PEX2: variants seen among roughly 807,000 people sequenced by gnomAD.
PEX2 encodes peroxisomal biogenesis factor 2.
Under a neutral mutation model 25.2 loss-of-function variants are expected in PEX2, and 19 were observed. That is an observed-to-expected ratio of 0.75 (90% CI 0.53 to 1.10). The LOEUF (loss-of-function observed/expected upper bound fraction) is 1.10, where lower values mean the gene tolerates loss of function less well. Ranked by LOEUF, PEX2 falls within the 50% of genes least tolerant of loss-of-function variation. The probability of loss-of-function intolerance (pLI) is 0.00; values close to 1 mark genes in which losing one functional copy is unlikely to be tolerated. For missense variants in PEX2, 347 were observed against 350.6 expected (o/e 0.99, Z 0.08); for synonymous variants, 141 against 127.7 (o/e 1.10, Z -0.70).
intron 1 of PEX2, among the ~76,000 whole-genome samples, chr8:76,990,858 G>C (rs1443256306): frequency 2.6e-5 from 4 of 152,138 alleles, no homozygotes; most frequent in Non-Finnish European, 5.9e-5. Context: ...ACGTTACACA[G>C]AGACACCAAG....
In PEX2 at chr8:76,982,312, CT is replaced by C. The variant is rs1258144481; in HGVS notation, c.*948del. ...GTTTCAATAAAACTATCAATATTTA[CT>C]GAGAATGACAGCTCTGAATCAAAGG... On this transcript the variant is annotated 3_prime_UTR_variant, in exon 4 of 4. Transcript: ENST00000357039. 8 of 152,270 alleles carry C rather than the reference CT, an allele frequency of 5.3e-5. No homozygotes were observed. The highest frequency in any genetic ancestry group is 1.3e-4 in the Admixed American group (2 of 15,304). The allele number at this position is 152,270 out of a possible 1,614,324, so 9.4% of individuals were successfully genotyped here. A position where few individuals can be genotyped will look rare whatever the true frequency, so the allele number is the denominator to read the frequency against.
Position 76,980,410 on chromosome 8 carries a change from C to T in PEX2, c.*2851G>A, listed in dbSNP as rs1160791928. On this transcript the variant is annotated 3_prime_UTR_variant, in exon 4 of 4. Transcript: ENST00000357039. Reference sequence around the variant, plus strand: ...TTGAAATGAGTAAGGCAAATGTAGACTCTAACTAGTAGAGATCTGCCAGCA... The same window carrying T: ...TTGAAATGAGTAAGGCAAATGTAGATTCTAACTAGTAGAGATCTGCCAGCA... The T allele has an allele frequency of 1.3e-5, 2 of 152,220 alleles. No individual in the cohort carries two copies. The highest frequency in any genetic ancestry group is 4.8e-5 in the African/African-American group (2 of 41,458). 9.4% of individuals were successfully genotyped at this position (152,220 alleles called of 1,614,324 possible).
rs1397402046 is a variant in PEX2, at chr8:76,981,231, G to T, written c.*2030C>A. 6.6e-6 allele frequency: 1 copy of T among 152,290 alleles called. No homozygotes were observed. The highest frequency in any genetic ancestry group is 1.5e-5 in the Non-Finnish European group (1 of 68,110). 9.4% of individuals were successfully genotyped at this position (152,290 alleles called of 1,614,324 possible). ...CATGCCTGTAATCCCACAACTTTGG[G>T]AGGCCAGGGTAGGAGGACTGCTTGA... On this transcript the variant is annotated 3_prime_UTR_variant, in exon 4 of 4. Transcript: ENST00000357039.
At chr8:76,996,230 G>A (rs976689409) in intron 1 of PEX2, among the ~76,000 whole-genome samples, 1 of 152,140 alleles carries the variant, frequency 6.6e-6, no homozygotes, top group South Asian at 2.1e-4. Context: ...TAATTACCAA[G>A]TACAAATTTA....
At chr8:76,987,665 T>G (rs1195701415) in intron 2 of PEX2, among the ~76,000 whole-genome samples, 1 of 152,082 alleles carries the variant, frequency 6.6e-6, no homozygotes, top group Admixed American at 6.5e-5. Flanking sequence ...AATGATCTAG[T>G]GAGAAACTAA....
chr8:76,980,950 A>G lies in PEX2; in HGVS notation c.*2311T>C, dbSNP rs1806803459. 1.3e-5 allele frequency: 2 copies of G among 152,132 alleles called. No homozygotes were observed. Among genetic ancestry groups the G allele is most frequent in the African/African-American group, 4.8e-5 (2 of 41,418 alleles). The allele number at this position is 152,132 out of a possible 1,614,324, so 9.4% of individuals were successfully genotyped here. A position where few individuals can be genotyped will look rare whatever the true frequency, so the allele number is the denominator to read the frequency against. ...AATCTGTGTCCCTCATGCCATGTAC[A>G]CTCATCAAAAAAATGAGAGCCAAAG... On this transcript the variant is annotated 3_prime_UTR_variant, in exon 4 of 4. Transcript: ENST00000357039.
In PEX2 at chr8:76,980,794, A is replaced by C. The variant is rs1482527688; in HGVS notation, c.*2467T>G. 1 of 152,192 alleles carries C rather than the reference A, an allele frequency of 6.6e-6. No homozygotes were observed. The highest frequency in any genetic ancestry group is 2.4e-5 in the African/African-American group (1 of 41,452). 9.4% of individuals were successfully genotyped at this position (152,192 alleles called of 1,614,324 possible). On this transcript the variant is annotated 3_prime_UTR_variant, in exon 4 of 4. Coordinates refer to ENST00000357039, the MANE Select transcript of PEX2 (RefSeq NM_000318.3). ...AAGGAAAGCACTACTATTATATTCTATTTACTATGTGTCAGGCATTGTTTT... is the reference window on the plus strand; with the variant it reads ...AAGGAAAGCACTACTATTATATTCTCTTTACTATGTGTCAGGCATTGTTTT...
chr8:77,000,372 A>AGTGTCGAGGTCACTACT, upstream of PEX2: 1 of 194,998 alleles, frequency 5.1e-6, no homozygotes, highest in East Asian at 1.6e-4. Context: ...AGGACACTAC[A>AGTGTCGAGGTCACTACT]AGTGTCGAGG....
chr8:76,985,718 T>G (rs4416802), intron 3 of PEX2, among the ~76,000 whole-genome samples: 14 of 152,148 alleles, frequency 9.2e-5, no homozygotes, highest in African/African-American at 3.1e-4. Flanking sequence ...ACAGAAAGAA[T>G]AGTTACTGAG....
Position 76,983,472 on chromosome 8 carries a change from G to T in PEX2, c.707C>A (p.Thr236Lys), listed in dbSNP as rs1303614285. ...GCATTCTTTGCCACTGGTGGCTAAT[G>T]TATTGTCACTATTAGGTGCACCAGT... ...PLTGAPNSDNTLATSGKECAL... is the reference protein window; with the variant it reads ...PLTGAPNSDNKLATSGKECAL... Residue 236 changes from threonine (T) to lysine (K), a missense_variant, in exon 4 of 4, where the codon ACA becomes AAA. By Grantham distance (78) the Thr-to-Lys change is moderately conservative. Transcript: ENST00000357039. The T allele has an allele frequency of 6.2e-7, 1 of 1,614,072 alleles. No individual in the cohort carries two copies.
In PEX2 at chr8:76,981,626, T is replaced by C. The variant is rs1430271134; in HGVS notation, c.*1635A>G. 6.6e-6 allele frequency: 1 copy of C among 152,178 alleles called. No individual in the cohort carries two copies. Among genetic ancestry groups the C allele is most frequent in the Non-Finnish European group, 1.5e-5 (1 of 68,034 alleles). The allele number at this position is 152,178 out of a possible 1,614,324, so 9.4% of individuals were successfully genotyped here. A position where few individuals can be genotyped will look rare whatever the true frequency, so the allele number is the denominator to read the frequency against. On this transcript the variant is annotated 3_prime_UTR_variant, in exon 4 of 4. Transcript: ENST00000357039. ...CTAAAATAGTTTTGAAGAATATTTA[T>C]ACATAGGAAAAAATGCTATTTTTTA...
upstream of PEX2, chr8:77,000,970 T>C (rs1807498353): frequency 6.6e-6 from 1 of 152,144 alleles, no homozygotes. Context: ...AGTTAGTGCT[T>C]AAGTTTGAAT....
At chr8:77,001,014 A>T (rs1336130170), upstream of PEX2, 1 of 152,226 alleles carries the variant, frequency 6.6e-6, no homozygotes, top group East Asian at 1.9e-4. Context: ...AGCACGTAGT[A>T]GGGTTTAAGA....
chr8:76,994,981 G>T (rs1044477040), intron 1 of PEX2, among the ~76,000 whole-genome samples: 2 of 152,104 alleles, frequency 1.3e-5, no homozygotes, highest in African/African-American at 4.8e-5. Context: ...TAAATGGGAC[G>T]TGCATCAAAG....
At chr8:77,000,314 G>C (rs186234769), upstream of PEX2, 275 of 290,982 alleles carry the variant, frequency 9.5e-4, 2 homozygotes, top group Non-Finnish European at 1.5e-3. Flanking sequence ...GTCTCTGATT[G>C]GCAGGAGAGT....
Position 76,983,262 on chromosome 8 carries a change from TA to T in PEX2, c.916del (p.Ter306ArgfsTer3). 1 of 1,612,128 alleles carries T rather than the reference TA, an allele frequency of 6.2e-7. No individual in the cohort carries two copies. On this transcript the variant is annotated frameshift_variant and stop_lost, in exon 4 of 4. Transcript: ENST00000357039. LOFTEE classifies it high-confidence loss of function. Reference protein sequence around the residue: ...GIEMSEVNAL* With the variant: ...GIEMSEVNALX ...CCTCAAAGGAAGCAATTTTAGTTTC[TA>T]AAGAGCATTTACTTCTGACATCTCG...
intron 1 of PEX2, among the ~76,000 whole-genome samples, chr8:76,990,562 GC>G (rs1807139643): frequency 6.6e-6 from 1 of 152,028 alleles, no homozygotes; most frequent in Non-Finnish European, 1.5e-5. Context: ...CACTTAAGAG[GC>G]CATTGTAGGC....
upstream of PEX2, among the ~76,000 whole-genome samples, chr8:77,000,599 T>C (rs1807483229): frequency 6.6e-6 from 1 of 152,168 alleles, no homozygotes; most frequent in Non-Finnish European, 1.5e-5. Flanking sequence ...TGTGCTGCGC[T>C]TGGAGACCTG....
At chr8:76,995,037 G>C (rs1807281634) in intron 1 of PEX2, among the ~76,000 whole-genome samples, 1 of 152,030 alleles carries the variant, frequency 6.6e-6, no homozygotes, top group Non-Finnish European at 1.5e-5. Flanking sequence ...TTCAAATATG[G>C]GCAAAAGAAA....
Sources: gnomAD v4.1 joint callset for allele counts (sites outside exome capture counted in the v4.1 genomes callset) on GRCh38, gnomAD v4.1.1 for gene constraint, MANE v1.5 for transcripts, NCBI Gene and HGNC (gene_info 2026-07-23, HGNC 2026-07-21) for gene names.